Variants in TNS1 observed in about 807,000 individuals in gnomAD.
TNS1 encodes the protein tensin-1.
A neutral mutation model predicts 168.6 loss-of-function variants in TNS1; 62 were observed. The ratio of observed to expected loss-of-function variants is 0.37; its 90% CI spans 0.30 to 0.45. TNS1 has a LOEUF of 0.45. Among genes scored for constraint, TNS1 ranks in the 20% least tolerant of loss-of-function variants. TNS1 has a pLI of 1.00. For missense variants in TNS1, 2,240 were observed against 2,339.4 expected, an observed-to-expected ratio of 0.96 and a Z score of 0.88; for synonymous variants, 934 against 933.2, an observed-to-expected ratio of 1.00 and a Z score of -0.02.
intron 4 of TNS1, among the ~76,000 whole-genome samples, chr2:217,910,711 CAT>C (rs1244813421): frequency 5.5e-4 from 72 of 130,142 alleles, no homozygotes; most frequent in Non-Finnish European, 8.3e-4. Flanking sequence ...ACCACATACA[CAT>C]ACACACACAC....
At chr2:217,875,924 A>G (rs1950168567) in intron 18 of TNS1, among the ~76,000 whole-genome samples, 1 of 152,212 alleles carries the variant, frequency 6.6e-6, no homozygotes, top group African/African-American at 2.4e-5. Flanking sequence ...GGCGCCAACC[A>G]GGAGAGATGC....
chr2:217,863,794 G>A (rs1302350494), intron 18 of TNS1, among the ~76,000 whole-genome samples: 1 of 152,132 alleles, frequency 6.6e-6, no homozygotes, highest in Non-Finnish European at 1.5e-5. Context: ...GAAGGAAGGG[G>A]TCTCCCAAGA....
At chr2:217,959,889 G>A (rs556268095) in intron 3 of TNS1, among the ~76,000 whole-genome samples, 1 of 152,156 alleles carries the variant, frequency 6.6e-6, no homozygotes. Flanking sequence ...CTGGGAGGGT[G>A]GGAGTGAGGG....
At chr2:217,895,661 C>T (rs1952215680) in intron 8 of TNS1, among the ~76,000 whole-genome samples, 1 of 152,172 alleles carries the variant, frequency 6.6e-6, no homozygotes, top group South Asian at 2.1e-4. Flanking sequence ...CCCAATCAGA[C>T]CCTTGACATA....
intron 3 of TNS1, among the ~76,000 whole-genome samples, chr2:217,972,648 C>A (rs925067663): frequency 6.6e-6 from 1 of 152,196 alleles, no homozygotes; most frequent in African/African-American, 2.4e-5. Context: ...AAGAGCCACC[C>A]AAGAGGCTGA....
At chr2:217,963,889 C>CAAAA (rs58953604) in intron 3 of TNS1, among the ~76,000 whole-genome samples, 41 of 126,412 alleles carry the variant, frequency 3.2e-4, no homozygotes, top group South Asian at 2.0e-3. Context: ...ACTAAAAATA[C>CAAAA]AAAAAAAAAA....
At chr2:217,951,151 C>T (rs1334327190) in intron 3 of TNS1, among the ~76,000 whole-genome samples, 2 of 152,146 alleles carry the variant, frequency 1.3e-5, no homozygotes, top group Non-Finnish European at 2.9e-5. Context: ...AGAAGAGATC[C>T]CAGGCTTTGG....
chr2:217,826,455 T>A (rs567923793), intron 22 of TNS1, among the ~76,000 whole-genome samples: 1 of 152,168 alleles, frequency 6.6e-6, no homozygotes, highest in African/African-American at 2.4e-5. Context: ...AGAGACTTTC[T>A]GGGACTCCGT....
intron 1 of TNS1, among the ~76,000 whole-genome samples, chr2:218,015,472 A>C (rs531553518): frequency 1.3e-5 from 2 of 152,260 alleles, no homozygotes; most frequent in Admixed American, 6.5e-5. Flanking sequence ...CTGATCTCTG[A>C]CAGGCAGGAA....
In TNS1 at chr2:218,031,526, AGT is replaced by A. The variant is rs546603761; in HGVS notation, c.156+2292_156+2293del. Among the ~76,000 whole-genome samples, 592 of 128,470 alleles carry A rather than the reference AGT, an allele frequency of 4.6e-3. 2 individuals carry two copies. Among genetic ancestry groups the A allele is most frequent in the Non-Finnish European group, 6.8e-3 (411 of 60,216 alleles). The allele number at this position is 128,470 out of a possible 152,430, so 84.3% of individuals were successfully genotyped here. ...TGTGTGTATGAGTGTGTCTTGTGTG[AGT>A]GTGTGTGTGCCTGTGTGTATGAGTG... On this transcript the variant is annotated intron_variant, in intron 1 of 1. Coordinates refer to the TNS1 transcript ENST00000649572.
chr2:217,900,551 G>A, intron 6 of TNS1, 39 bp from the exon 7 acceptor site: 1 of 1,530,310 alleles, frequency 6.5e-7, no homozygotes. Flanking sequence ...ATGCAGGGGT[G>A]GGCAGGATGG....
rs764122955 is a variant in TNS1 at position 217,804,507 on chromosome 2, G to A, written c.5472C>T (p.Ile1824=). 7 of 1,614,140 alleles carry A rather than the reference G, an allele frequency of 4.3e-6. No individual in the cohort carries two copies. The highest frequency in any genetic ancestry group is 4.5e-5 in the East Asian group (2 of 44,862). ...ELDPNQPASA[I]VNFVSKVMLN... ...GCATGACCTTGGAGACGAAGTTGACGATGGCAGAGGCCGGCTGGTTGGGGT... is the reference window on the plus strand; with the variant it reads ...GCATGACCTTGGAGACGAAGTTGACAATGGCAGAGGCCGGCTGGTTGGGGT... Residue 1824 remains isoleucine, a synonymous_variant, in exon 33 of 33, where the codon ATC becomes ATT. Coordinates refer to ENST00000682258, the MANE Select transcript of TNS1 (RefSeq NM_001387777.1).
At chr2:217,825,460 T>C (rs960888476) in intron 22 of TNS1, among the ~76,000 whole-genome samples, 2 of 152,202 alleles carry the variant, frequency 1.3e-5, no homozygotes, top group Admixed American at 1.3e-4. Flanking sequence ...CCAGACCTTT[T>C]AAGAGTCCAT....
chr2:217,820,023 G>T (rs888037125), intron 23 of TNS1, among the ~76,000 whole-genome samples: 11 of 152,304 alleles, frequency 7.2e-5, no homozygotes, highest in African/African-American at 2.6e-4. Context: ...AAGGTCAGGG[G>T]CCAGGCTAGG....
chr2:218,025,895 C>T lies in TNS1; in HGVS notation c.156+7925G>A, dbSNP rs1004448329. ...CTCCATGGTTCCCTGTTGGCTTTGC[C>T]GAACTCCTCTCGGAGTGCAATGAGG... On this transcript the variant is annotated intron_variant, in intron 1 of 1. Transcript: ENST00000649572. Among the ~76,000 whole-genome samples the T allele has an allele frequency of 3.9e-5, 6 of 152,214 alleles. No individual in the cohort carries two copies. The East Asian group carries it at 7.7e-4, about 20-fold the overall frequency.
chr2:217,879,534 G>A (rs942670823), intron 18 of TNS1: 2 of 387,968 alleles, frequency 5.2e-6, no homozygotes, highest in Admixed American at 6.7e-5. Flanking sequence ...AAAGGGGTTG[G>A]GAACTGAGGC....
chr2:217,808,813 C>A, intron 30 of TNS1, 142 bp from the exon 31 acceptor site: 2 of 722,118 alleles, frequency 2.8e-6, no homozygotes, highest in Non-Finnish European at 4.9e-6. Context: ...AGCAAGATGG[C>A]CTGAGCTGTT....
intron 12 of TNS1, chr2:217,890,737 TCA>T (rs1951660943): frequency 1.7e-6 from 1 of 590,670 alleles, no homozygotes; most frequent in Admixed American, 3.0e-5. Flanking sequence ...AGCACAGGCC[TCA>T]GAGTCAAGTG....
intron 4 of TNS1, among the ~76,000 whole-genome samples, chr2:217,912,969 G>A (rs1559347420): frequency 1.3e-5 from 2 of 152,208 alleles, no homozygotes; most frequent in Admixed American, 6.5e-5. Flanking sequence ...GAGTTTCCAG[G>A]GAGGGTGGCC....
Sources: gnomAD v4.1 joint callset for allele counts (sites outside exome capture counted in the v4.1 genomes callset) on GRCh38, gnomAD v4.1.1 for gene constraint, MANE v1.5 for transcripts, NCBI Gene and HGNC (gene_info 2026-07-23, HGNC 2026-07-21) for gene names.